The following PRLR variants were observed in gnomAD, a reference collection of about 807,000 sequenced individuals.
PRLR encodes prolactin receptor.
Under a neutral mutation model 40.2 loss-of-function variants are expected in PRLR, and 13 were observed. The observed-to-expected ratio is 0.32, with a 90% confidence interval of 0.21 to 0.51. PRLR has a LOEUF of 0.51. PRLR is among the 20% of genes least tolerant of loss of function. PRLR has a pLI of 0.97. For synonymous variants in PRLR, 269 were observed against 278.7 expected (o/e 0.97, Z 0.35); for missense variants, 656 against 747.3 (o/e 0.88, Z 1.42).
chr5:35,208,273 C>T (rs1252853474), intron 1 of PRLR, among the ~76,000 whole-genome samples: 1 of 151,918 alleles, frequency 6.6e-6, no homozygotes, highest in Non-Finnish European at 1.5e-5. Flanking sequence ...CATACTGTTT[C>T]CTCTCTCTAA....
At chr5:35,224,268 T>A (rs1361250803) in intron 1 of PRLR, among the ~76,000 whole-genome samples, 1 of 152,320 alleles carries the variant, frequency 6.6e-6, no homozygotes, top group East Asian at 1.9e-4. Context: ...ATCTAACTCA[T>A]CACAATCCTG....
chr5:35,220,533 A>G (rs900449217), intron 1 of PRLR, among the ~76,000 whole-genome samples: 1 of 152,070 alleles, frequency 6.6e-6, no homozygotes, highest in African/African-American at 2.4e-5. Flanking sequence ...CATAGTACTG[A>G]CTAATTTATT....
intron 3 of PRLR, 58 bp from the exon 4 acceptor site, chr5:35,086,398 T>A: frequency 6.3e-7 from 1 of 1,590,624 alleles, no homozygotes. Context: ...CATTTGACCC[T>A]TCTGCTGGTG....
At chr5:35,138,003 G>A (rs1256314523) in intron 1 of PRLR, among the ~76,000 whole-genome samples, 1 of 152,138 alleles carries the variant, frequency 6.6e-6, no homozygotes, top group Non-Finnish European at 1.5e-5. Context: ...GACTGAAATA[G>A]CCATTTGTTC....
At chr5:35,090,548 G>T (rs536719519) in intron 2 of PRLR, among the ~76,000 whole-genome samples, 1 of 152,108 alleles carries the variant, frequency 6.6e-6, no homozygotes, top group East Asian at 1.9e-4. Context: ...GAAATGCACG[G>T]CCTAAATTTC....
In PRLR at chr5:35,113,378, T is replaced by TATCCATCC. The variant is rs753971139; in HGVS notation, c.-44+4675_-44+4682dup. Among the ~76,000 whole-genome samples the TATCCATCC allele has an allele frequency of 5.8e-3, 613 of 105,570 alleles. 2 individuals are homozygous for TATCCATCC. The highest frequency in any genetic ancestry group is 0.013 in the African/African-American group (321 of 24,530). The allele number at this position is 105,570 out of a possible 152,430, so 69.3% of individuals were successfully genotyped here. A position where few individuals can be genotyped will look rare whatever the true frequency, so the allele number is the denominator to read the frequency against. Reference sequence around the variant, plus strand: ...CCATCTATCAACCTACCCACCCATTTATCCATCCATCCATCCATCCATCCA... The same window carrying TATCCATCC: ...CCATCTATCAACCTACCCACCCATTTATCCATCCATCCATCCATCCATCCATCCATCCA... On this transcript the variant is annotated intron_variant, in intron 2 of 9. Coordinates refer to ENST00000618457, the MANE Select transcript of PRLR (RefSeq NM_000949.7).
At chr5:35,112,528 G>T (rs1037556514) in intron 2 of PRLR, among the ~76,000 whole-genome samples, 53 of 152,262 alleles carry the variant, frequency 3.5e-4, no homozygotes, top group African/African-American at 1.2e-3. Flanking sequence ...GCAGGAGGAT[G>T]TGGAAATTCA....
chr5:35,155,814 G>A lies in PRLR; in HGVS notation c.-105-37692C>T, dbSNP rs1044946164. ...AAAAAAGGTACAATGGCTTACAAAGGTACTTCTAACTCATTAATAAAATAA... is the reference window on the plus strand; with the variant it reads ...AAAAAAGGTACAATGGCTTACAAAGATACTTCTAACTCATTAATAAAATAA... On this transcript the variant is annotated intron_variant, in intron 1 of 9. Coordinates refer to ENST00000618457, the MANE Select transcript of PRLR (RefSeq NM_000949.7). Among the ~76,000 whole-genome samples, 7 of 152,140 alleles carry A rather than the reference G, an allele frequency of 4.6e-5. No individual in the cohort carries two copies. In the South Asian group the frequency reaches 1.2e-3, roughly 27 times the overall value.
chr5:35,078,602 G>T (rs368964850), intron 5 of PRLR, among the ~76,000 whole-genome samples: 14 of 152,234 alleles, frequency 9.2e-5, no homozygotes, highest in East Asian at 5.8e-4. Flanking sequence ...GGACCAGACG[G>T]ATTCACAGCC....
At chr5:35,136,881 C>A (rs572673062) in intron 1 of PRLR, among the ~76,000 whole-genome samples, 1 of 151,850 alleles carries the variant, frequency 6.6e-6, no homozygotes, top group Non-Finnish European at 1.5e-5. Context: ...CTATTAAATT[C>A]CCACTCGATG....
In PRLR at chr5:35,057,248, G is replaced by A. The variant is rs922120709; in HGVS notation, c.*7841C>T. On this transcript the variant is annotated 3_prime_UTR_variant, in exon 10 of 10. Coordinates refer to ENST00000618457, the MANE Select transcript of PRLR (RefSeq NM_000949.7). ...AATTTTGTCTTGCAATCATAGGAAGGGTGGACATAAAGGGGAAGAATTTTT... is the reference window on the plus strand; with the variant it reads ...AATTTTGTCTTGCAATCATAGGAAGAGTGGACATAAAGGGGAAGAATTTTT... The A allele has an allele frequency of 5.3e-5, 8 of 152,064 alleles. No individual in the cohort carries two copies. The highest frequency in any genetic ancestry group is 1.9e-4 in the African/African-American group (8 of 41,428). The allele number at this position is 152,064 out of a possible 1,614,324, so 9.4% of individuals were successfully genotyped here.
In PRLR at chr5:35,063,006, G is replaced by T. The variant is rs997659161; in HGVS notation, c.*2083C>A. On this transcript the variant is annotated 3_prime_UTR_variant, in exon 10 of 10. Transcript: ENST00000618457. ...CTAGAACAATGCTTCTCAAACTTCA[G>T]TGTGCAATTGAATCATTTGGGGATC... The T allele has an allele frequency of 6.6e-6, 1 of 152,186 alleles. No homozygotes were observed. Among genetic ancestry groups the T allele is most frequent in the Non-Finnish European group, 1.5e-5 (1 of 68,032 alleles). 9.4% of individuals were successfully genotyped at this position (152,186 alleles called of 1,614,324 possible).
chr5:35,145,097 T>C (rs1774144292), intron 1 of PRLR, among the ~76,000 whole-genome samples: 1 of 152,202 alleles, frequency 6.6e-6, no homozygotes, highest in Non-Finnish European at 1.5e-5. Flanking sequence ...GTGAATATTA[T>C]GAACTGTGGA....
intron 1 of PRLR, among the ~76,000 whole-genome samples, chr5:35,166,603 C>T (rs1054447287): frequency 1.3e-5 from 2 of 152,056 alleles, no homozygotes; most frequent in Non-Finnish European, 1.5e-5. Context: ...TGCAGATGTT[C>T]AGAGAATCAG....
At chr5:35,117,048 T>C (rs1452158107) in intron 2 of PRLR, among the ~76,000 whole-genome samples, 1 of 152,084 alleles carries the variant, frequency 6.6e-6, no homozygotes, top group Non-Finnish European at 1.5e-5. Context: ...TGGGGTGGTG[T>C]CCTTCTGGTA....
chr5:35,083,865 C>T (rs1410974192), intron 5 of PRLR, among the ~76,000 whole-genome samples: 1 of 149,414 alleles, frequency 6.7e-6, no homozygotes, highest in Non-Finnish European at 1.5e-5. Flanking sequence ...AATTACATGG[C>T]ACCACCTCAT....
chr5:35,124,066 G>A (rs1324515511), intron 1 of PRLR, among the ~76,000 whole-genome samples: 3 of 152,146 alleles, frequency 2.0e-5, no homozygotes, highest in Non-Finnish European at 2.9e-5. Flanking sequence ...TAGCTCTCAG[G>A]AGCTTTGTGC....
intron 3 of PRLR, among the ~76,000 whole-genome samples, chr5:35,086,864 A>G (rs991995840): frequency 1.8e-4 from 28 of 152,142 alleles, no homozygotes; most frequent in African/African-American, 6.5e-4. Flanking sequence ...TCTTTCTGCC[A>G]TCCCCACACA....
Position 35,169,962 on chromosome 5 carries a change from G to A in PRLR, c.-105-51840C>T, listed in dbSNP as rs879261464. 5.3e-5 allele frequency among the ~76,000 whole-genome samples: 8 copies of A among 152,080 alleles called. No homozygotes were observed. In the East Asian group the frequency reaches 5.8e-4, roughly 11 times the overall value. On this transcript the variant is annotated intron_variant, in intron 1 of 9. Transcript: ENST00000618457. Reference sequence around the variant, plus strand: ...TGCTTACTGTTTTCATATGAGGCTCGGTCTCTGTGATGGAGGGAGTATTTC... The same window carrying A: ...TGCTTACTGTTTTCATATGAGGCTCAGTCTCTGTGATGGAGGGAGTATTTC...
Sources: allele counts gnomAD v4.1 joint callset (sites outside exome capture counted in the v4.1 genomes callset), GRCh38; gene constraint gnomAD v4.1.1; transcripts MANE v1.5; gene names NCBI Gene and HGNC (gene_info 2026-07-23, HGNC 2026-07-21).